Variants in CALN1 observed in about 807,000 individuals in gnomAD.
The protein encoded by CALN1 is calcium-binding protein 8.
A neutral mutation model predicts 30.6 loss-of-function variants in CALN1; 17 were observed. That is an observed-to-expected ratio of 0.56 (90% CI 0.38 to 0.83). CALN1 has a LOEUF of 0.83. Ranked by LOEUF, CALN1 falls within the 40% of genes least tolerant of loss-of-function variation. The probability of loss-of-function intolerance (pLI) is 0.00; values close to 1 mark genes in which losing one functional copy is unlikely to be tolerated. For missense variants in CALN1, 291 were observed against 354.9 expected, an observed-to-expected ratio of 0.82 and a Z score of 1.45; for synonymous variants, 156 against 131.4, an observed-to-expected ratio of 1.19 and a Z score of -1.28.
the CALN1 span, among the ~76,000 whole-genome samples, chr7:72,453,595 T>C: frequency 6.6e-6 from 1 of 152,350 alleles, no homozygotes; most frequent in East Asian, 1.9e-4. Flanking sequence ...TTAGCTACTC[T>C]TGCAATTACA....
chr7:72,455,121 G>C, the CALN1 span, among the ~76,000 whole-genome samples: 1 of 151,880 alleles, frequency 6.6e-6, no homozygotes, highest in East Asian at 1.9e-4. Flanking sequence ...GTGAGCCACC[G>C]CGCCCGGCCT....
At chr7:72,421,466 A>C (rs1183463441) in intron 1 of CALN1, among the ~76,000 whole-genome samples, 1 of 145,856 alleles carries the variant, frequency 6.9e-6, no homozygotes, top group African/African-American at 2.6e-5. Flanking sequence ...TTAACATCTT[A>C]TCTTCTTGGC....
chr7:72,404,015 C>T (rs556474785), intron 1 of CALN1, among the ~76,000 whole-genome samples: 25 of 152,304 alleles, frequency 1.6e-4, no homozygotes, highest in African/African-American at 5.8e-4. Flanking sequence ...GGCAGACCTG[C>T]AACCCATGCA....
chr7:72,377,582 T>C lies in CALN1; in HGVS notation c.119+25669A>G, dbSNP rs1037755026. Reference sequence around the variant, plus strand: ...TTGCTTAGGGGTTTGTTGTTGATGCTTATTTTAGTTATTGTTTGTTTGTTT... The same window carrying C: ...TTGCTTAGGGGTTTGTTGTTGATGCCTATTTTAGTTATTGTTTGTTTGTTT... On this transcript the variant is annotated intron_variant, in intron 2 of 6. Coordinates refer to ENST00000395275, the MANE Select transcript of CALN1 (RefSeq NM_031468.4). 1.2e-4 allele frequency among the ~76,000 whole-genome samples: 19 copies of C among 152,148 alleles called. 2 individuals are homozygous for C. The highest frequency in any genetic ancestry group is 1.2e-3 in the Admixed American group (18 of 15,264).
the CALN1 span, among the ~76,000 whole-genome samples, chr7:72,479,960 T>C: frequency 6.6e-6 from 1 of 152,246 alleles, no homozygotes; most frequent in Non-Finnish European, 1.5e-5. Flanking sequence ...AACTTTCTAT[T>C]CCATTCCATT....
At chr7:72,316,542 T>C (rs1389315396) in intron 2 of CALN1, among the ~76,000 whole-genome samples, 1 of 152,134 alleles carries the variant, frequency 6.6e-6, no homozygotes, top group Admixed American at 6.5e-5. Context: ...CTGTCATCAA[T>C]GATTACCTCT....
At chr7:71,988,506 T>C (rs1388891203) in intron 5 of CALN1, among the ~76,000 whole-genome samples, 1 of 152,194 alleles carries the variant, frequency 6.6e-6, no homozygotes, top group Non-Finnish European at 1.5e-5. Flanking sequence ...TCATTCTACA[T>C]CCTTTCTCCG....
At chr7:72,307,156 C>A (rs566690643) in intron 2 of CALN1, among the ~76,000 whole-genome samples, 56 of 152,154 alleles carry the variant, frequency 3.7e-4, no homozygotes, top group African/African-American at 1.3e-3. Context: ...GCAGAAGAGG[C>A]TTTTAAGAGA....
chr7:72,010,546 T>C (rs1010840483), intron 5 of CALN1, among the ~76,000 whole-genome samples: 8 of 152,116 alleles, frequency 5.3e-5, no homozygotes, highest in Non-Finnish European at 1.0e-4. Flanking sequence ...GTGCGGTGGC[T>C]CACATCTGTA....
At chr7:72,181,148 AC>A (rs1365879301) in intron 3 of CALN1, among the ~76,000 whole-genome samples, 2 of 137,164 alleles carry the variant, frequency 1.5e-5, no homozygotes, top group Non-Finnish European at 3.1e-5. Context: ...ATAAGCTTTT[AC>A]CCCTACCATG....
intron 2 of CALN1, among the ~76,000 whole-genome samples, chr7:72,311,280 G>C (rs977275603): frequency 2.6e-5 from 4 of 152,086 alleles, no homozygotes; most frequent in Middle Eastern, 3.4e-3. Context: ...TTTACTGTAA[G>C]AACACAATAT....
chr7:72,336,927 G>A (rs1802098546), intron 2 of CALN1: 2 of 984,894 alleles, frequency 2.0e-6, no homozygotes, highest in Non-Finnish European at 2.4e-6. Flanking sequence ...CCACGCGCGC[G>A]CCGGGACCTG....
At chr7:71,993,629 G>C (rs1239086064) in intron 5 of CALN1, among the ~76,000 whole-genome samples, 5 of 151,954 alleles carry the variant, frequency 3.3e-5, no homozygotes, top group Non-Finnish European at 5.9e-5. Flanking sequence ...GCTAATTTTT[G>C]TATTTTTAGT....
intron 2 of CALN1, among the ~76,000 whole-genome samples, chr7:72,356,529 T>C (rs1450421272): frequency 6.6e-6 from 1 of 151,854 alleles, no homozygotes; most frequent in Admixed American, 6.6e-5. Context: ...GGGATATCAC[T>C]AAAATAATAA....
intron 5 of CALN1, among the ~76,000 whole-genome samples, chr7:71,908,011 A>G (rs144081820): frequency 2.0e-5 from 3 of 152,344 alleles, no homozygotes; most frequent in East Asian, 1.9e-4. Flanking sequence ...AATGTTTCCT[A>G]TACCAGATTA....
intron 5 of CALN1, among the ~76,000 whole-genome samples, chr7:71,997,006 T>C (rs1023366955): frequency 6.6e-6 from 1 of 152,120 alleles, no homozygotes; most frequent in Non-Finnish European, 1.5e-5. Flanking sequence ...GGTGGGAGGA[T>C]TGCTTGAGGC....
chr7:72,132,509 A>G (rs1809222458), intron 3 of CALN1, among the ~76,000 whole-genome samples: 1 of 152,134 alleles, frequency 6.6e-6, no homozygotes, highest in South Asian at 2.1e-4. Context: ...AGAACATTCC[A>G]TCTCCAGTTA....
intron 2 of CALN1, among the ~76,000 whole-genome samples, chr7:72,389,545 T>G (rs1050125407): frequency 1.6e-4 from 25 of 152,348 alleles, no homozygotes; most frequent in African/African-American, 5.8e-4. Flanking sequence ...TTTTAAAGTG[T>G]AACGTCTCCT....
At chr7:72,175,536 T>C (rs1156358579) in intron 3 of CALN1, among the ~76,000 whole-genome samples, 3 of 152,084 alleles carry the variant, frequency 2.0e-5, no homozygotes, top group Non-Finnish European at 1.5e-5. Context: ...GACCAGGATA[T>C]ACTGGTGGCA....
Sources: gnomAD v4.1 joint callset for allele counts (sites outside exome capture counted in the v4.1 genomes callset) on GRCh38, gnomAD v4.1.1 for gene constraint, MANE v1.5 for transcripts, NCBI Gene and HGNC (gene_info 2026-07-23, HGNC 2026-07-21) for gene names.